RRAGB: variants seen among roughly 807,000 people sequenced by gnomAD.
RRAGB encodes the protein ras-related GTP-binding protein B.
A neutral mutation model predicts 29.3 loss-of-function variants in RRAGB; 6 were observed. That is an observed-to-expected ratio of 0.21 (90% confidence interval 0.11 to 0.40). RRAGB has a LOEUF of 0.40. Among genes scored for constraint, RRAGB ranks in the 10% least tolerant of loss-of-function variants. The pLI is 1.00. For missense variants in RRAGB, 184 were observed against 272.9 expected (o/e 0.67, Z 2.29); for synonymous variants, 101 against 92.5 (o/e 1.09, Z -0.53).
intron 5 of RRAGB, among the ~76,000 whole-genome samples, chrX:55,735,575 ATTATCT>A (rs1257307936): frequency 9.0e-6 from 1 of 111,614 alleles, no homozygotes; most frequent in Non-Finnish European, 1.9e-5. Context: ...CTGTCCATCT[ATTATCT>A]TTTAAGTGGC....
chrX:55,718,201 C>A lies in RRAGB; in HGVS notation c.-127C>A, dbSNP rs953928598. 9.1e-6 allele frequency: 4 copies of A among 437,865 alleles called. No individual in the cohort carries two copies. Among genetic ancestry groups the A allele is most frequent in the Non-Finnish European group, 1.5e-5 (4 of 266,343 alleles). 36.1% of individuals were successfully genotyped at this position (437,865 alleles called of 1,213,427 possible). ...GACAAAGGCGGAGGCAAGAATAGAG[C>A]AGGCCTGAGGGCCATAGGCGATGAG... is the stretch of plus-strand genomic sequence containing the variant. On this transcript the variant is annotated 5_prime_UTR_variant, in exon 1 of 10. Coordinates refer to ENST00000374941, the MANE Select transcript of RRAGB (RefSeq NM_006064.5).
intron 2 of RRAGB, 136 bp from the exon 3 acceptor site, chrX:55,722,050 G>A (rs2033299597): frequency 1.3e-5 from 5 of 382,366 alleles, no homozygotes; most frequent in Middle Eastern, 4.1e-4. Context: ...TTAGTTAGTT[G>A]TGAGTATGCG....
At chrX:55,755,083 G>T in intron 7 of RRAGB, 1 of 753,304 alleles carries the variant, frequency 1.3e-6, no homozygotes, top group Non-Finnish European at 1.6e-6. Context: ...GTTTAGATGT[G>T]ACTGAACATT....
intron 5 of RRAGB, among the ~76,000 whole-genome samples, chrX:55,740,073 G>A (rs1602047509): frequency 1.8e-5 from 2 of 112,004 alleles, no homozygotes; most frequent in Non-Finnish European, 3.8e-5. Context: ...TGTAATCCCA[G>A]CAACTTTGGG....
In RRAGB at chrX:55,718,223, T is replaced by G; in HGVS notation, c.-105T>G. On this transcript the variant is annotated 5_prime_UTR_variant, in exon 1 of 10. It removes an upstream start codon present in the reference 5' UTR. Transcript: ENST00000374941. ...GAGCAGGCCTGAGGGCCATAGGCGA[T>G]GAGAATAGGCAGTTGAGGGGTGAAA... The G allele has an allele frequency of 1.8e-6, 1 of 567,625 alleles. No individual in the cohort carries two copies. Among genetic ancestry groups the G allele is most frequent in the Non-Finnish European group, 2.7e-6 (1 of 369,610 alleles). 46.8% of individuals were successfully genotyped at this position (567,625 alleles called of 1,213,427 possible).
intron 5 of RRAGB, among the ~76,000 whole-genome samples, chrX:55,741,650 G>A (rs1353331354): frequency 3.6e-5 from 4 of 111,458 alleles, no homozygotes; most frequent in African/African-American, 6.5e-5. Flanking sequence ...GTGTATGTGC[G>A]CGTGCATAGA....
intron 5 of RRAGB, 78 bp downstream of exon 5, chrX:55,731,664 G>A (rs2033684344): frequency 3.1e-6 from 2 of 649,924 alleles, no homozygotes; most frequent in East Asian, 3.7e-5. Context: ...AGGTAAATTT[G>A]TACCATTTTT....
intron 1 of RRAGB, among the ~76,000 whole-genome samples, chrX:55,718,626 T>C (rs901413231): frequency 8.9e-6 from 1 of 111,966 alleles, no homozygotes; most frequent in African/African-American, 3.2e-5. Flanking sequence ...GGGAAGGGGC[T>C]GATATTCCTG....
Position 55,732,741 on chromosome X carries a change from T to C in RRAGB, c.516+1155T>C, listed in dbSNP as rs757575453. 1.1e-4 allele frequency among the ~76,000 whole-genome samples: 12 copies of C among 111,919 alleles called. No homozygotes were observed. In the South Asian group the frequency reaches 4.4e-3, roughly 41 times the overall value. Reference sequence around the variant, plus strand: ...TTACTGTTTAATACCTAATAATTAATATGGTTTTACTTCAGCAGAAAATCA... The same window carrying C: ...TTACTGTTTAATACCTAATAATTAACATGGTTTTACTTCAGCAGAAAATCA... On this transcript the variant is annotated intron_variant, in intron 5 of 9. Transcript: ENST00000374941.
At chrX:55,737,771 G>A (rs2033916017) in intron 5 of RRAGB, among the ~76,000 whole-genome samples, 1 of 112,544 alleles carries the variant, frequency 8.9e-6, no homozygotes, top group Non-Finnish European at 1.9e-5. Context: ...CTCTAAGCTG[G>A]TGCTGGGGGA....
chrX:55,753,293 C>A, intron 6 of RRAGB, 99 bp from the exon 7 acceptor site: 2 of 670,598 alleles, frequency 3.0e-6, no homozygotes, highest in Non-Finnish European at 2.2e-6. Flanking sequence ...GGATTATCAT[C>A]ATATTTTGCT....
chrX:55,718,291 G>C lies in RRAGB; in HGVS notation c.-37G>C. On this transcript the variant is annotated 5_prime_UTR_variant, in exon 1 of 10. Transcript: ENST00000374941. ...ACAACAACAAACCCTGAAGAGTACTGAAGATTTAGAAGGGACTGGAAAGGA... is the reference window on the plus strand; with the variant it reads ...ACAACAACAAACCCTGAAGAGTACTCAAGATTTAGAAGGGACTGGAAAGGA... 9.4e-7 allele frequency: 1 copy of C among 1,061,571 alleles called. No individual in the cohort carries two copies. The allele number at this position is 1,061,571 out of a possible 1,213,427, so 87.5% of individuals were successfully genotyped here.
chrX:55,732,362 A>G (rs1472744698), intron 5 of RRAGB, among the ~76,000 whole-genome samples: 3 of 112,011 alleles, frequency 2.7e-5, no homozygotes, highest in Non-Finnish European at 3.8e-5. Context: ...TTTAAGGTCT[A>G]TGCTAAAAGA....
intron 5 of RRAGB, among the ~76,000 whole-genome samples, chrX:55,736,805 T>C (rs1021955712): frequency 8.9e-6 from 1 of 112,417 alleles, no homozygotes; most frequent in Non-Finnish European, 1.9e-5. Flanking sequence ...CTGGTTGTAG[T>C]AGCAGTGTGC....
At chrX:55,722,701 G>A (rs1602007297) in intron 3 of RRAGB, among the ~76,000 whole-genome samples, 1 of 111,850 alleles carries the variant, frequency 8.9e-6, no homozygotes, top group Non-Finnish European at 1.9e-5. Context: ...GGTAAATTAC[G>A]GTGGTGGGAA....
chrX:55,754,795 A>G (rs2034617470), intron 7 of RRAGB, among the ~76,000 whole-genome samples: 1 of 112,117 alleles, frequency 8.9e-6, no homozygotes, highest in African/African-American at 3.2e-5. Context: ...GCTGGTATAG[A>G]TGGGGCAAGG....
chrX:55,734,589 T>C lies in RRAGB; in HGVS notation c.516+3003T>C, dbSNP rs186717687. ...ACCAACTTTTTGTTTCATTGACCAT[T>C]GTATTTTTTTAATTTATTTTCAATT... On this transcript the variant is annotated intron_variant, in intron 5 of 9. Transcript: ENST00000374941. Among the ~76,000 whole-genome samples, 327 of 112,017 alleles carry C rather than the reference T, an allele frequency of 2.9e-3. 2 individuals carry two copies. Among genetic ancestry groups the C allele is most frequent in the African/African-American group, 0.01 (317 of 30,857 alleles).
Position 55,723,411 on chromosome X carries a change from G to A in RRAGB, c.226+1126G>A, listed in dbSNP as rs759350470. 2.0e-4 allele frequency among the ~76,000 whole-genome samples: 22 copies of A among 109,624 alleles called. No individual in the cohort carries two copies. The East Asian group carries it at 6.0e-3, about 30-fold the overall frequency. On this transcript the variant is annotated intron_variant, in intron 3 of 9. Transcript: ENST00000374941. ...CCCGCCTCGGCTTCTCAAAGTGCTG[G>A]GATTACAGGTGTGAGCCACCGTGCC...
At position 55,722,214 on chromosome X, in the gene RRAGB, G is replaced by T; in HGVS notation, c.155G>T (p.Gly52Val). 8.4e-7 allele frequency: 1 copy of T among 1,195,151 alleles called. No homozygotes were observed. Among genetic ancestry groups the T allele is most frequent in the Non-Finnish European group, 1.1e-6 (1 of 882,418 alleles). ...CTGTTGATGGGTAAAAGTGGGTCTG[G>T]TAAGACCAGCATGAGGTCTATTATC... ...KVLLMGKSGS[G>V]KTSMRSIIFA... Residue 52 changes from glycine (G) to valine (V), a missense_variant, in exon 3 of 10, where the codon GGT (glycine) becomes GTT (valine). By Grantham distance (109) the Gly-to-Val change is moderately radical (BLOSUM62 -3). Coordinates refer to ENST00000374941, the MANE Select transcript of RRAGB (RefSeq NM_006064.5).
Sources: allele counts gnomAD v4.1 joint callset (sites outside exome capture counted in the v4.1 genomes callset), GRCh38; gene constraint gnomAD v4.1.1; transcripts MANE v1.5; gene names NCBI Gene and HGNC (gene_info 2026-07-23, HGNC 2026-07-21).